Variants in ZKSCAN1 observed in about 807,000 individuals in gnomAD.
The protein encoded by ZKSCAN1 is zinc finger protein with KRAB and SCAN domains 1.
In ZKSCAN1, 14 loss-of-function variants were observed where a neutral mutation model predicts 51.6. That is an observed-to-expected ratio of 0.27 (90% CI 0.18 to 0.42). ZKSCAN1 has a LOEUF of 0.42. Ranked by LOEUF, ZKSCAN1 falls within the 10% of genes least tolerant of loss-of-function variation. ZKSCAN1 has a pLI of 1.00. For missense variants in ZKSCAN1, 531 were observed against 710.0 expected (o/e 0.75, Z 2.86); for synonymous variants, 263 against 261.5 (o/e 1.01, Z -0.06).
At chr7:100,026,734 A>G (rs916953121) in intron 3 of ZKSCAN1, among the ~76,000 whole-genome samples, 51 of 152,070 alleles carry the variant, frequency 3.4e-4, no homozygotes, top group Admixed American at 2.8e-3. Flanking sequence ...CAGAAAAAAA[A>G]AATAAATAAA....
intron 1 of ZKSCAN1, among the ~76,000 whole-genome samples, chr7:100,021,509 G>A (rs1201402549): frequency 2.0e-5 from 3 of 152,104 alleles, no homozygotes; most frequent in Non-Finnish European, 2.9e-5. Flanking sequence ...CATAACAATG[G>A]AACCATTTCA....
intron 1 of ZKSCAN1, among the ~76,000 whole-genome samples, chr7:100,017,682 A>G (rs1790426960): frequency 6.6e-6 from 1 of 152,212 alleles, no homozygotes; most frequent in South Asian, 2.1e-4. Flanking sequence ...AATTTTATTT[A>G]AAGTGGATGG....
chr7:100,019,331 C>G (rs1273825899), intron 1 of ZKSCAN1: 1 of 152,204 alleles, frequency 6.6e-6, no homozygotes, highest in African/African-American at 2.4e-5. Context: ...CTCAGCCTCC[C>G]GAGTAGCTGA....
chr7:100,032,000 G>A (rs1791127319), intron 5 of ZKSCAN1, among the ~76,000 whole-genome samples: 3 of 152,164 alleles, frequency 2.0e-5, no homozygotes, highest in Admixed American at 2.0e-4. Context: ...GATCACTTGA[G>A]CCCAGGAGAT....
intron 3 of ZKSCAN1, chr7:100,024,962 G>C (rs1011725433): frequency 1.3e-5 from 2 of 149,432 alleles, no homozygotes; most frequent in African/African-American, 4.9e-5. Context: ...AAAGCTGCAT[G>C]CTTGTTTTTT....
In ZKSCAN1 at chr7:100,038,213, A is replaced by G. The variant is rs760485953; in HGVS notation, c.*4016A>G. ...TGTTTTGTACCTTCAGTCCCTTGTT[A>G]TTGTTCCGTATATTACCTGTAAGCA... On this transcript the variant is annotated 3_prime_UTR_variant, in exon 6 of 6. Transcript: ENST00000324306. The G allele has an allele frequency of 1.0e-6, 1 of 985,236 alleles. No homozygotes were observed. Among genetic ancestry groups the G allele is most frequent in the Admixed American group, 6.2e-5 (1 of 16,252 alleles). 61.0% of individuals were successfully genotyped at this position (985,236 alleles called of 1,614,324 possible).
At position 100,023,945 on chromosome 7, in the gene ZKSCAN1, G is replaced by T; in HGVS notation, c.426+13G>T. 1 of 1,564,972 alleles carries T rather than the reference G, an allele frequency of 6.4e-7. No homozygotes were observed. Among genetic ancestry groups the T allele is most frequent in the African/African-American group, 1.4e-5 (1 of 73,098 alleles). On this transcript the variant is annotated intron_variant, in intron 2 of 5. Transcript: ENST00000324306. ...ATCAGGACAACAGGTAAAAAGAGGT[G>T]AAACCTATTATGTGTGAGCAGGGCA...
At chr7:100,029,830 A>G in intron 3 of ZKSCAN1, 31 bp from the exon 4 acceptor site, 1 of 1,605,464 alleles carries the variant, frequency 6.2e-7, no homozygotes, top group Non-Finnish European at 8.5e-7. Flanking sequence ...AGCGGAGCTG[A>G]TTTACTCACA....
downstream of ZKSCAN1, among the ~76,000 whole-genome samples, chr7:100,041,891 C>T (rs1791608319): frequency 6.6e-6 from 1 of 152,170 alleles, no homozygotes; most frequent in South Asian, 2.1e-4. Context: ...CTGAATGGAC[C>T]TCTCCTCTCA....
chr7:100,019,027 G>A (rs1359230030), intron 1 of ZKSCAN1, among the ~76,000 whole-genome samples: 7 of 152,156 alleles, frequency 4.6e-5, no homozygotes, highest in Non-Finnish European at 7.3e-5. Flanking sequence ...ATTTCTGGTG[G>A]CTGGGCTCGC....
In ZKSCAN1 at chr7:100,023,805, T is replaced by C; in HGVS notation, c.299T>C (p.Val100Ala). The part of the protein sequence containing the change: ...NTKEQILELL[V>A]LEQFLSILPK... The stretch of plus-strand genomic sequence containing the variant: ...AAGGAACAGATCCTGGAGCTTCTGG[T>C]GCTAGAGCAGTTTCTTTCCATCCTG... The change falls in exon 2 of 6, where the codon GTG becomes GCG. Residue 100 changes from valine (V) to alanine (A), a missense_variant. By Grantham distance (64) the Val-to-Ala change is moderately conservative. This residue lies in a region of ZKSCAN1 where 403 missense variants were observed against 490.5 expected (regional missense o/e 0.82). Coordinates refer to ENST00000324306, the MANE Select transcript of ZKSCAN1 (RefSeq NM_003439.4). 6.2e-7 allele frequency: 1 copy of C among 1,614,162 alleles called. No homozygotes were observed. Among genetic ancestry groups the C allele is most frequent in the Non-Finnish European group, 8.5e-7 (1 of 1,180,032 alleles).
chr7:100,021,185 A>G (rs1435459352), intron 1 of ZKSCAN1, among the ~76,000 whole-genome samples: 2 of 119,206 alleles, frequency 1.7e-5, no homozygotes, highest in African/African-American at 6.5e-5. Context: ...CAATGGCGTG[A>G]TCTCAGTTCA....
intron 1 of ZKSCAN1, chr7:100,016,860 C>T (rs1790387932): frequency 6.6e-6 from 1 of 152,170 alleles, no homozygotes; most frequent in Non-Finnish European, 1.5e-5. Context: ...AGTATATATG[C>T]TGAACAAATG....
At chr7:100,016,078 G>C (rs1340329866) in intron 1 of ZKSCAN1, among the ~76,000 whole-genome samples, 1 of 152,180 alleles carries the variant, frequency 6.6e-6, no homozygotes, top group Non-Finnish European at 1.5e-5. Context: ...CCCCGGTCTT[G>C]ATTTTTCTGC....
chr7:100,038,084 A>G lies in ZKSCAN1; in HGVS notation c.*3887A>G. 1.0e-6 allele frequency: 1 copy of G among 985,362 alleles called. No homozygotes were observed. The highest frequency in any genetic ancestry group is 1.2e-6 in the Non-Finnish European group (1 of 829,918). The allele number at this position is 985,362 out of a possible 1,614,324, so 61.0% of individuals were successfully genotyped here. ...GCAGAGGATCTACAGATGAAAAAAA[A>G]TGTGGGGAAATGCTTTAAAAAAATA... is the stretch of plus-strand genomic sequence containing the variant. On this transcript the variant is annotated 3_prime_UTR_variant, in exon 6 of 6. Coordinates refer to ENST00000324306, the MANE Select transcript of ZKSCAN1 (RefSeq NM_003439.4).
At chr7:100,018,630 G>A (rs1196300190) in intron 1 of ZKSCAN1, among the ~76,000 whole-genome samples, 7 of 152,116 alleles carry the variant, frequency 4.6e-5, no homozygotes, top group East Asian at 1.9e-4. Context: ...CTCGTGATCC[G>A]CCCACCTCAG....
Position 100,037,350 on chromosome 7 carries a change from C to A in ZKSCAN1, c.*3153C>A, listed in dbSNP as rs753295972. On this transcript the variant is annotated 3_prime_UTR_variant, in exon 6 of 6. Coordinates refer to ENST00000324306, the MANE Select transcript of ZKSCAN1 (RefSeq NM_003439.4). Reference sequence around the variant, plus strand: ...TCAGGTTGTGGGGTATTTGTTTCTACTCCAGCCTGGCAGGCAAGGCTAAAA... The same window carrying A: ...TCAGGTTGTGGGGTATTTGTTTCTAATCCAGCCTGGCAGGCAAGGCTAAAA... 9 of 985,304 alleles carry A rather than the reference C, an allele frequency of 9.1e-6. No homozygotes were observed. Among genetic ancestry groups the A allele is most frequent in the Non-Finnish European group, 1.1e-5 (9 of 829,938 alleles). The allele number at this position is 985,304 out of a possible 1,614,324, so 61.0% of individuals were successfully genotyped here. A position where few individuals can be genotyped will look rare whatever the true frequency, so the allele number is the denominator to read the frequency against.
Position 100,036,209 on chromosome 7 carries a change from A to G in ZKSCAN1, c.*2012A>G. The stretch of plus-strand genomic sequence containing the variant: ...TTCCCTATAGCTTCTAAGCAGTTTC[A>G]TCAGCATTACTTGGGAAAACGTGTT... On this transcript the variant is annotated 3_prime_UTR_variant, in exon 6 of 6. Transcript: ENST00000324306. 2 of 985,448 alleles carry G rather than the reference A, an allele frequency of 2.0e-6. No individual in the cohort carries two copies. Among genetic ancestry groups the G allele is most frequent in the Non-Finnish European group, 2.4e-6 (2 of 829,926 alleles). 61.0% of individuals were successfully genotyped at this position (985,448 alleles called of 1,614,324 possible). A position where few individuals can be genotyped will look rare whatever the true frequency, so the allele number is the denominator to read the frequency against.
At position 100,035,374 on chromosome 7, in the gene ZKSCAN1, T is replaced by C. The variant is rs1303847854; in HGVS notation, c.*1177T>C. On this transcript the variant is annotated 3_prime_UTR_variant, in exon 6 of 6. Coordinates refer to ENST00000324306, the MANE Select transcript of ZKSCAN1 (RefSeq NM_003439.4). ...TACCATGGAATGTCAGAAATGACTT[T>C]ATCATCGTCATCTTGAAGAAAAATA... The C allele has an allele frequency of 6.6e-6, 1 of 152,244 alleles. No individual in the cohort carries two copies. The highest frequency in any genetic ancestry group is 2.4e-5 in the African/African-American group (1 of 41,464). The allele number at this position is 152,244 out of a possible 1,614,324, so 9.4% of individuals were successfully genotyped here.
Sources: allele counts gnomAD v4.1 joint callset (sites outside exome capture counted in the v4.1 genomes callset), GRCh38; gene constraint gnomAD v4.1.1; regional missense constraint gnomAD v4.1.1; transcripts MANE v1.5; gene names NCBI Gene and HGNC (gene_info 2026-07-23, HGNC 2026-07-21).